The following STON2 variants were observed in gnomAD, a reference collection of about 807,000 sequenced individuals.
The protein encoded by STON2 is stonin 2, also known as stonin-2.
Under a neutral mutation model 65.7 loss-of-function variants are expected in STON2, and 29 were observed. The observed-to-expected ratio is 0.44, with a 90% CI of 0.33 to 0.60. The LOEUF is 0.60. Ranked by LOEUF, STON2 falls within the 20% of genes least tolerant of loss-of-function variation. STON2 has a pLI of 0.03. For missense variants in STON2, 1,054 were observed against 1,118.1 expected (o/e 0.94, Z 0.82); for synonymous variants, 404 against 414.2 (o/e 0.98, Z 0.30).
intron 5 of STON2, among the ~76,000 whole-genome samples, chr14:81,306,097 ACT>A (rs1414100150): frequency 7.4e-6 from 1 of 135,410 alleles, no homozygotes; most frequent in Non-Finnish European, 1.6e-5. Context: ...CTTGCAATAC[ACT>A]CTCCTTTTTA....
In STON2 at chr14:81,266,890, G is replaced by A; in HGVS notation, c.*1524C>T. ...TAGAGGGTTGCATTTTAAAAACCCA[G>A]AATATAGGGTTTCTCATTAATGCCT... On this transcript the variant is annotated 3_prime_UTR_variant, in exon 8 of 8. Coordinates refer to ENST00000614646, the MANE Select transcript of STON2 (RefSeq NM_001394390.1). 1 of 978,936 alleles carries A rather than the reference G, an allele frequency of 1.0e-6. No homozygotes were observed. Among genetic ancestry groups the A allele is most frequent in the Non-Finnish European group, 1.2e-6 (1 of 824,162 alleles). 60.6% of individuals were successfully genotyped at this position (978,936 alleles called of 1,614,324 possible). A position where few individuals can be genotyped will look rare whatever the true frequency, so the allele number is the denominator to read the frequency against.
At chr14:81,384,545 CTTA>C (rs1180595667) in intron 3 of STON2, among the ~76,000 whole-genome samples, 1 of 152,146 alleles carries the variant, frequency 6.6e-6, no homozygotes, top group Non-Finnish European at 1.5e-5. Context: ...CCCTAACACA[CTTA>C]TATTTACTTC....
At chr14:81,287,940 C>T (rs1895402798) in intron 5 of STON2, among the ~76,000 whole-genome samples, 1 of 152,206 alleles carries the variant, frequency 6.6e-6, no homozygotes, top group Non-Finnish European at 1.5e-5. Context: ...TGGGCAGAGA[C>T]TCCATTACGA....
chr14:81,348,009 TGAA>T (rs1192552523), intron 4 of STON2, among the ~76,000 whole-genome samples: 2 of 140,838 alleles, frequency 1.4e-5, no homozygotes, highest in Non-Finnish European at 3.1e-5. Context: ...ATCCACAAAA[TGAA>T]GAAAAAAAAA....
chr14:81,436,189 G>T, intron 1 of STON2: 1 of 151,982 alleles, frequency 6.6e-6, no homozygotes, highest in South Asian at 2.0e-4. Flanking sequence ...GGGGGCGCCA[G>T]GGGGCACAGC....
At chr14:81,397,039 CA>C (rs1900359089) in intron 2 of STON2, among the ~76,000 whole-genome samples, 1 of 152,156 alleles carries the variant, frequency 6.6e-6, no homozygotes, top group East Asian at 1.9e-4. Context: ...GCCTGGGCAA[CA>C]AGAGCGAAAC....
chr14:81,333,270 C>A, intron 4 of STON2: 1 of 715,750 alleles, frequency 1.4e-6, no homozygotes, highest in South Asian at 1.4e-5. Context: ...TGTTGCCTTC[C>A]CGGGGTGAAG....
At chr14:81,297,357 A>G (rs1485748720) in intron 5 of STON2, among the ~76,000 whole-genome samples, 1 of 152,248 alleles carries the variant, frequency 6.6e-6, no homozygotes, top group Non-Finnish European at 1.5e-5. Context: ...TTACAAAGCT[A>G]GTAAGAGGAA....
chr14:81,371,434 G>T (rs151205957), intron 3 of STON2, among the ~76,000 whole-genome samples: 1 of 152,026 alleles, frequency 6.6e-6, no homozygotes, highest in Non-Finnish European at 1.5e-5. Flanking sequence ...GGTGGCTCAC[G>T]CCTGTAATCT....
At chr14:81,358,505 C>T (rs952934959) in intron 4 of STON2, among the ~76,000 whole-genome samples, 1 of 151,948 alleles carries the variant, frequency 6.6e-6, no homozygotes, top group African/African-American at 2.4e-5. Flanking sequence ...TACAAAACAA[C>T]CAGAAGGCAA....
intron 1 of STON2, among the ~76,000 whole-genome samples, chr14:81,431,765 G>C (rs912950495): frequency 6.7e-5 from 10 of 148,204 alleles, no homozygotes; most frequent in African/African-American, 2.5e-4. Context: ...CAACAACAGC[G>C]AAACTCTGTC....
rs201781093 is a variant in STON2 at position 81,265,077 on chromosome 14, C to CAA, written c.*3335_*3336dup. On this transcript the variant is annotated 3_prime_UTR_variant, in exon 8 of 8. Transcript: ENST00000614646. ...TGATAACAAAGATTATTTGTGACCA[C>CAA]AAAAAAAAAAAATAAAAAGTCCAGG... 3.5e-5 allele frequency: 27 copies of CAA among 764,414 alleles called. No homozygotes were observed. The highest frequency in any genetic ancestry group is 8.1e-5 in the African/African-American group (4 of 49,438). The allele number at this position is 764,414 out of a possible 1,614,324, so 47.4% of individuals were successfully genotyped here.
Position 81,264,932 on chromosome 14 carries a change from A to C in STON2, c.*3482T>G. On this transcript the variant is annotated 3_prime_UTR_variant, in exon 8 of 8. Coordinates refer to ENST00000614646, the MANE Select transcript of STON2 (RefSeq NM_001394390.1). ...CTTATCTTTTTGCTGTAAAGTCAAAAAGCAGGCCCTAGACTCAAAAGAAAG... is the reference window on the plus strand; with the variant it reads ...CTTATCTTTTTGCTGTAAAGTCAAACAGCAGGCCCTAGACTCAAAAGAAAG... 1.0e-6 allele frequency: 1 copy of C among 985,424 alleles called. No individual in the cohort carries two copies. Among genetic ancestry groups the C allele is most frequent in the Non-Finnish European group, 1.2e-6 (1 of 829,922 alleles). 61.0% of individuals were successfully genotyped at this position (985,424 alleles called of 1,614,324 possible). A position where few individuals can be genotyped will look rare whatever the true frequency, so the allele number is the denominator to read the frequency against.
intron 2 of STON2, chr14:81,412,980 A>T: frequency 9.4e-7 from 1 of 1,059,212 alleles, no homozygotes; most frequent in Non-Finnish European, 1.4e-6. Context: ...ATGTGCGACC[A>T]AAAGGCCGTG....
intron 5 of STON2, among the ~76,000 whole-genome samples, chr14:81,322,057 T>C (rs1896839797): frequency 6.6e-6 from 1 of 152,220 alleles, no homozygotes. Flanking sequence ...TCTACATAAG[T>C]ACCCCCTAAT....
intron 5 of STON2, among the ~76,000 whole-genome samples, chr14:81,309,602 C>T (rs999916083): frequency 5.9e-5 from 9 of 152,244 alleles, no homozygotes; most frequent in South Asian, 4.2e-4. Flanking sequence ...GGTTTCACTA[C>T]GAAACACTCT....
At chr14:81,369,725 C>A (rs1470015601) in intron 4 of STON2, among the ~76,000 whole-genome samples, 1 of 152,166 alleles carries the variant, frequency 6.6e-6, no homozygotes, top group African/African-American at 2.4e-5. Context: ...CCTGAGCAGT[C>A]TGGCTCTGGA....
At chr14:81,370,531 G>T (rs542985642) in intron 4 of STON2, among the ~76,000 whole-genome samples, 1 of 152,152 alleles carries the variant, frequency 6.6e-6, no homozygotes, top group Non-Finnish European at 1.5e-5. Context: ...TTTGTAGTCT[G>T]GACACAGTGG....
rs1249044257 is a variant in STON2, at chr14:81,347,633, A to AC, written c.571+23354_571+23355insG. Among the ~76,000 whole-genome samples the AC allele has an allele frequency of 2.2e-4, 33 of 150,406 alleles. No homozygotes were observed. The East Asian group carries it at 3.7e-3, about 17-fold the overall frequency. On this transcript the variant is annotated intron_variant, in intron 4 of 7. Transcript: ENST00000614646. ...AAGACAGTAAAAAAAAAAAAAAAAA[A>AC]AAAACCCTACAGGCCAGTATCCCTG...
Sources: gnomAD v4.1 joint callset for allele counts (sites outside exome capture counted in the v4.1 genomes callset) on GRCh38, gnomAD v4.1.1 for gene constraint, MANE v1.5 for transcripts, NCBI Gene and HGNC (gene_info 2026-07-23, HGNC 2026-07-21) for gene names.